Variants in ELP6 observed in about 807,000 individuals in gnomAD.
The protein encoded by ELP6 is elongator complex protein 6.
A neutral mutation model predicts 28.1 loss-of-function variants in ELP6; 23 were observed. The ratio of observed to expected loss-of-function variants is 0.82; its 90% CI spans 0.59 to 1.16. The LOEUF is 1.16. ELP6 is among the 50% of genes most tolerant of loss of function. ELP6 has a pLI of 0.00. For synonymous variants in ELP6, 132 were observed against 135.8 expected, an observed-to-expected ratio of 0.97 and a Z score of 0.19; for missense variants, 313 against 334.6, an observed-to-expected ratio of 0.94 and a Z score of 0.50.
At chr3:47,505,874 A>AT (rs1054179835) in intron 3 of ELP6, among the ~76,000 whole-genome samples, 16 of 152,162 alleles carry the variant, frequency 1.1e-4, no homozygotes, top group Admixed American at 5.2e-4. Context: ...GCCCGGCCTA[A>AT]TTTTTTTATT....
intron 1 of ELP6, chr3:47,513,230 G>A: frequency 8.1e-7 from 1 of 1,232,282 alleles, no homozygotes; most frequent in East Asian, 4.2e-5. Context: ...GACCTTAGAT[G>A]ATGCACCCGC....
intron 1 of ELP6, chr3:47,513,152 G>A (rs1185169970): frequency 6.7e-6 from 6 of 891,210 alleles, no homozygotes; most frequent in Non-Finnish European, 6.8e-6. Context: ...CACCACGCCC[G>A]GCTAATTTTT....
chr3:47,510,702 C>T (rs1473805575), intron 2 of ELP6, among the ~76,000 whole-genome samples: 2 of 152,200 alleles, frequency 1.3e-5, no homozygotes, highest in African/African-American at 4.8e-5. Context: ...GCAGCTCATC[C>T]TCCCACCTGG....
At chr3:47,497,285 C>T (rs1252187757) in intron 6 of ELP6, 1 of 985,222 alleles carries the variant, frequency 1.0e-6, no homozygotes, top group African/African-American at 1.7e-5. Context: ...TGGTGAGTGG[C>T]AGCAGTTGGG....
intron 1 of ELP6, chr3:47,512,655 GGA>G: frequency 1.0e-6 from 1 of 985,434 alleles, no homozygotes; most frequent in Non-Finnish European, 1.2e-6. Context: ...TGAGGAGGGT[GGA>G]GAGAACAGGC....
chr3:47,512,788 T>C (rs1462231164), intron 1 of ELP6: 2 of 932,276 alleles, frequency 2.1e-6, no homozygotes, highest in African/African-American at 3.6e-5. Context: ...CAATACAATG[T>C]GCCAATTGCT....
intron 5 of ELP6, chr3:47,499,780 C>T (rs561554147): frequency 3.0e-5 from 32 of 1,054,978 alleles, no homozygotes; most frequent in East Asian, 1.0e-4. Context: ...ATGGCCAGGC[C>T]GGGGTCTGAG....
chr3:47,503,225 T>G, intron 4 of ELP6: 1 of 1,188,052 alleles, frequency 8.4e-7, no homozygotes, highest in Non-Finnish European at 1.1e-6. Context: ...TCAGGAAACA[T>G]GGCCTCACAC....
intron 6 of ELP6, chr3:47,497,887 C>T (rs537219160): frequency 1.0e-4 from 93 of 907,764 alleles, no homozygotes; most frequent in Non-Finnish European, 1.1e-4. Context: ...GCCAAGATCG[C>T]GCCACTGCAC....
intron 2 of ELP6, among the ~76,000 whole-genome samples, chr3:47,510,643 A>G (rs1220093873): frequency 6.6e-6 from 1 of 152,088 alleles, no homozygotes; most frequent in Non-Finnish European, 1.5e-5. Context: ...CATTTTTTGT[A>G]GAAACAGGGT....
intron 1 of ELP6, chr3:47,512,917 GAACAT>G: frequency 1.0e-6 from 1 of 985,612 alleles, no homozygotes; most frequent in Non-Finnish European, 1.2e-6. Flanking sequence ...CCACCCCAGT[GAACAT>G]GCACAGCGCG....
intron 6 of ELP6, 40 bp downstream of exon 6, chr3:47,498,246 C>T: frequency 6.2e-7 from 1 of 1,608,904 alleles, no homozygotes; most frequent in Non-Finnish European, 8.5e-7. Flanking sequence ...ATCACAGGTA[C>T]ACGGGCAAGA....
intron 4 of ELP6, chr3:47,502,513 C>A (rs17784882): frequency 0.39 from 382,488 of 983,858 alleles, 75,271 homozygotes; most frequent in Middle Eastern, 0.5. Context: ...CAGGCGGAAA[C>A]CTTCCCAGGA....
intron 3 of ELP6, among the ~76,000 whole-genome samples, chr3:47,506,780 C>T (rs1459897137): frequency 3.9e-5 from 6 of 152,172 alleles, no homozygotes; most frequent in Non-Finnish European, 8.8e-5. Flanking sequence ...TCCTCCTCGG[C>T]TTGCGAGATG....
intron 5 of ELP6, among the ~76,000 whole-genome samples, chr3:47,500,823 CCA>C (rs1267271265): frequency 1.3e-5 from 2 of 152,196 alleles, no homozygotes; most frequent in African/African-American, 4.8e-5. Flanking sequence ...TGCTGGATAC[CCA>C]CACACCTGGC....
At chr3:47,508,066 T>C (rs1708898196) in intron 3 of ELP6, among the ~76,000 whole-genome samples, 1 of 151,860 alleles carries the variant, frequency 6.6e-6, no homozygotes, top group South Asian at 2.1e-4. Flanking sequence ...TCCTGACTGT[T>C]CTCCCTGGGC....
Position 47,513,552 on chromosome 3 carries a change from G to T in ELP6, c.39C>A (p.Pro13=), listed in dbSNP as rs1559597121. The change falls in exon 1 of 7, where the codon CCC becomes CCA. Residue 13 remains proline, a synonymous_variant. Coordinates refer to ENST00000296149, the MANE Select transcript of ELP6 (RefSeq NM_001031703.3). ...GACCTCTTACCTGCTCCGCCCTGTC[G>T]GGGGTGGTGTTAAGCAGGTTATTAA... ...VELNNLLNTT[P]DRAEQGKLTL... The T allele has an allele frequency of 6.2e-7, 1 of 1,612,614 alleles. No individual in the cohort carries two copies. Among genetic ancestry groups the T allele is most frequent in the Non-Finnish European group, 8.5e-7 (1 of 1,179,290 alleles).
intron 4 of ELP6, chr3:47,503,347 CT>C (rs1708724397): frequency 7.8e-7 from 1 of 1,289,576 alleles, no homozygotes; most frequent in Non-Finnish European, 1.0e-6. Flanking sequence ...CTTCACAGAG[CT>C]ATGTTTGTGG....
chr3:47,513,587 A>G lies in ELP6; in HGVS notation c.4T>C (p.Phe2Leu), dbSNP rs765666121. ...TTAAGCAGGTTATTAAGTTCCACGA[A>G]CATTCCGAGCTCCTGGGACTAGCGC... Reference protein sequence around the residue: MFVELNNLLNTT... With the variant: MLVELNNLLNTT... The change falls in exon 1 of 7, where the codon TTC becomes CTC. Residue 2 changes from phenylalanine (F) to leucine (L), a missense_variant. Coordinates refer to ENST00000296149, the MANE Select transcript of ELP6 (RefSeq NM_001031703.3). 11 of 1,613,234 alleles carry G rather than the reference A, an allele frequency of 6.8e-6. No individual in the cohort carries two copies. Among genetic ancestry groups the G allele is most frequent in the Non-Finnish European group, 7.6e-6 (9 of 1,179,610 alleles).
Sources: allele counts gnomAD v4.1 joint callset (sites outside exome capture counted in the v4.1 genomes callset), GRCh38; gene constraint gnomAD v4.1.1; transcripts MANE v1.5; gene names NCBI Gene and HGNC (gene_info 2026-07-23, HGNC 2026-07-21).